Variants in IGFN1 observed in about 807,000 individuals in gnomAD.
IGFN1 encodes the protein immunoglobulin-like and fibronectin type III domain-containing protein 1.
A neutral mutation model predicts 289.5 loss-of-function variants in IGFN1; 253 were observed. The observed-to-expected ratio is 0.87, with a 90% confidence interval of 0.79 to 0.97. The LOEUF (loss-of-function observed/expected upper bound fraction) is 0.97. Ranked by LOEUF, IGFN1 falls within the 50% of genes least tolerant of loss-of-function variation. The pLI is 0.00. For missense variants in IGFN1, 4,470 were observed against 4,686.1 expected, an observed-to-expected ratio of 0.95 and a Z score of 1.35; for synonymous variants, 1,706 against 1,788.5, an observed-to-expected ratio of 0.95 and a Z score of 1.16.
At position 201,205,954 on chromosome 1, in the gene IGFN1, G is replaced by T. The variant is rs893312192; in HGVS notation, c.1190-129G>T. On this transcript the variant is annotated intron_variant, in intron 11 of 23. Coordinates refer to ENST00000335211, the MANE Select transcript of IGFN1 (RefSeq NM_001164586.2). ...GGTGGTCACCTTGCTTCTCTCCTGG[G>T]GAAGTCCAGGTCAGGCAAGCAGCTG... 273 of 686,142 alleles carry T rather than the reference G, an allele frequency of 4.0e-4. 2 individuals are homozygous for T. The highest frequency in any genetic ancestry group is 4.0e-4 in the Middle Eastern group (1 of 2,484). The allele number at this position is 686,142 out of a possible 1,614,324, so 42.5% of individuals were successfully genotyped here.
chr1:201,214,141 C>G, intron 12 of IGFN1, 36 bp from the exon 13 acceptor site: 1 of 1,564,854 alleles, frequency 6.4e-7, no homozygotes, highest in Non-Finnish European at 8.7e-7. Context: ...TGGCCTGGGG[C>G]GCTCGGCCCT....
intron 7 of IGFN1, 131 bp from the exon 8 acceptor site, chr1:201,200,106 G>A (rs890362333): frequency 1.4e-6 from 1 of 721,020 alleles, no homozygotes; most frequent in Admixed American, 2.8e-5. Context: ...CAGTCCCAGA[G>A]ATTCCAGGCT....
chr1:201,213,778 G>C (rs1429671082), intron 12 of IGFN1, among the ~76,000 whole-genome samples, 157 bp downstream of exon 12: 1 of 152,122 alleles, frequency 6.6e-6, no homozygotes, highest in Non-Finnish European at 1.5e-5. Context: ...GCAAATTTAG[G>C]AAGCAACCTC....
Position 201,215,018 on chromosome 1 carries a change from C to G in IGFN1, c.8859C>G (p.Thr2953=). The G allele has an allele frequency of 6.2e-6, 10 of 1,613,658 alleles. No individual in the cohort carries two copies. Among genetic ancestry groups the G allele is most frequent in the Non-Finnish European group, 8.5e-6 (10 of 1,179,770 alleles). The change falls in exon 14 of 24, where the codon ACC becomes ACG. Residue 2953 remains threonine, a synonymous_variant. Coordinates refer to ENST00000335211, the MANE Select transcript of IGFN1 (RefSeq NM_001164586.2). ...TGCTGTGGCCCTGTCTCCAGCTCACCACCCAGGATGGAGTCATCTTTAAGC... is the reference window on the plus strand; with the variant it reads ...TGCTGTGGCCCTGTCTCCAGCTCACGACCCAGGATGGAGTCATCTTTAAGC... The part of the protein sequence containing the change: ...GTWFKDGVKL[T]TQDGVIFKQD...
chr1:201,208,563 C>T lies in IGFN1; in HGVS notation c.3670C>T (p.Gln1224Ter). 2 of 1,468,722 alleles carry T rather than the reference C, an allele frequency of 1.4e-6. No homozygotes were observed. The highest frequency in any genetic ancestry group is 1.4e-5 in the South Asian group (1 of 70,890). 91.0% of individuals were successfully genotyped at this position (1,468,722 alleles called of 1,614,324 possible). The change falls in exon 12 of 24, where the codon CAG (glutamine) becomes TAG (stop). Residue 1224 changes from glutamine (Q) to a stop codon, truncating the protein, a stop_gained. Transcript: ENST00000335211. LOFTEE classifies it high-confidence loss of function. ...YEDGSELPGP[Q>*]GTGVRTAYGE... is the part of the protein sequence containing the mutation. ...GGATGGATCAGAACTTCCAGGGCCT[C>T]AGGGAACTGGGGTCAGAACAGCCTA...
chr1:201,224,273 C>G (rs529457792), intron 20 of IGFN1, among the ~76,000 whole-genome samples: 1 of 152,324 alleles, frequency 6.6e-6, no homozygotes, highest in South Asian at 2.1e-4. Flanking sequence ...ACTCCCCTCC[C>G]CACACATCCC....
Position 201,206,530 on chromosome 1 carries a change from A to G in IGFN1, c.1637A>G (p.Asp546Gly), listed in dbSNP as rs199581193. The G allele has an allele frequency of 9.9e-4, 1,532 of 1,551,092 alleles. 20 individuals are homozygous for G. The highest frequency in any genetic ancestry group is 3.9e-4 in the Admixed American group (20 of 50,986). The change falls in exon 12 of 24, where the codon GAC becomes GGC. Residue 546 changes from aspartate to glycine, a missense_variant. Coordinates refer to ENST00000335211, the MANE Select transcript of IGFN1 (RefSeq NM_001164586.2). ...PEKQQQDRGRDSNSDECWRKA... is the reference protein window; with the variant it reads ...PEKQQQDRGRGSNSDECWRKA... ...AAACAACAGCAAGATCGTGGCAGAG[A>G]CAGCAACAGTGATGAATGCTGGAGG...
Position 201,227,070 on chromosome 1 carries a change from G to T in IGFN1, c.10975G>T (p.Ala3659Ser). The T allele has an allele frequency of 6.2e-7, 1 of 1,613,640 alleles. No individual in the cohort carries two copies. Among genetic ancestry groups the T allele is most frequent in the East Asian group, 2.2e-5 (1 of 44,884 alleles). Residue 3659 changes from alanine (A) to serine (S), a missense_variant, in exon 23 of 24, where the codon GCG (alanine) becomes TCG (serine). By Grantham distance (99) the Ala-to-Ser change is moderately conservative (BLOSUM62 1). Transcript: ENST00000335211. ...KNDRSLEGNP[A>S]VYSTDLLGVC... is the part of the protein sequence containing the mutation. ...TGACCGCAGCCTGGAAGGAAACCCC[G>T]CGGTGTACAGCACTGACCTGCTGGG... is the stretch of plus-strand genomic sequence containing the variant.
Position 201,217,468 on chromosome 1 carries a change from T to C in IGFN1, c.9769+8T>C. 1 of 1,613,784 alleles carries C rather than the reference T, an allele frequency of 6.2e-7. No individual in the cohort carries two copies. Among genetic ancestry groups the C allele is most frequent in the Non-Finnish European group, 8.5e-7 (1 of 1,179,768 alleles). Reference sequence around the variant, plus strand: ...ACGACCAGCCGGTGCCTGGTGAGCATTGTCCTGGCTTCCAGAGCTTCCTTA... The same window carrying C: ...ACGACCAGCCGGTGCCTGGTGAGCACTGTCCTGGCTTCCAGAGCTTCCTTA... On this transcript the variant is annotated splice_region_variant and intron_variant, in intron 17 of 23. Coordinates refer to ENST00000335211, the MANE Select transcript of IGFN1 (RefSeq NM_001164586.2).
intron 3 of IGFN1, among the ~76,000 whole-genome samples, chr1:201,195,202 A>C (rs1666848074): frequency 1.3e-5 from 2 of 151,000 alleles, no homozygotes; most frequent in South Asian, 4.2e-4. Flanking sequence ...CCCAGGCTGG[A>C]GTGCAGTGGC....
At position 201,211,542 on chromosome 1, in the gene IGFN1, G is replaced by A. The variant is rs1368267172; in HGVS notation, c.6649G>A (p.Asp2217Asn). ...AGTGAATAAGGCAGGTTATAGGAAG[G>A]ATTTGGGGGCTCCTAAGGGAATGGG... ...GSVNKAGYRKDLGAPKGMGSG... is the reference protein window; with the variant it reads ...GSVNKAGYRKNLGAPKGMGSG... The change falls in exon 12 of 24, where the codon GAT (aspartate) becomes AAT (asparagine). Residue 2217 changes from aspartate to asparagine, a missense_variant. This residue lies in a region of IGFN1 where 2,218 missense variants were observed against 2,114.1 expected (regional missense o/e 1.05). Transcript: ENST00000335211. 6.6e-7 allele frequency: 1 copy of A among 1,522,448 alleles called. No homozygotes were observed. The highest frequency in any genetic ancestry group is 2.5e-5 in the East Asian group (1 of 39,696). 94.3% of individuals were successfully genotyped at this position (1,522,448 alleles called of 1,614,324 possible). A position where few individuals can be genotyped will look rare whatever the true frequency, so the allele number is the denominator to read the frequency against.
At position 201,212,624 on chromosome 1, in the gene IGFN1, T is replaced by G. The variant is rs1571470535; in HGVS notation, c.7731T>G (p.Gly2577=). 1 of 1,539,852 alleles carries G rather than the reference T, an allele frequency of 6.5e-7. No individual in the cohort carries two copies. ...AGGGGGGGTTGGCATCTCAGGGAGG[T>G]GGGGACTCACTTTTGGGAGGCAGAA... The part of the protein sequence containing the change: ...AGQGGLASQG[G]GDSLLGGRRV... The change falls in exon 12 of 24, where the codon GGT becomes GGG. Residue 2577 remains glycine (G), a synonymous_variant. Transcript: ENST00000335211.
intron 2 of IGFN1, 44 bp from the exon 3 acceptor site, chr1:201,194,110 A>G (rs2102314993): frequency 1.9e-6 from 3 of 1,545,974 alleles, no homozygotes; most frequent in African/African-American, 2.7e-5. Flanking sequence ...ACCCAGGAGG[A>G]AGAAGGTGGA....
At position 201,194,181 on chromosome 1, in the gene IGFN1, G is replaced by A. The variant is rs1666783412; in HGVS notation, c.35G>A (p.Gly12Glu). 1.9e-6 allele frequency: 3 copies of A among 1,551,504 alleles called. No individual in the cohort carries two copies. Among genetic ancestry groups the A allele is most frequent in the South Asian group, 2.4e-5 (2 of 84,056 alleles). ...AGKLRKSHIPGVSIWQLVEEI... is the reference protein window; with the variant it reads ...AGKLRKSHIPEVSIWQLVEEI... ...AAGCTCCGGAAGTCCCACATCCCTG[G>A]AGTGAGCATCTGGCAGCTGGTGGAG... Residue 12 changes from glycine to glutamate, a missense_variant, in exon 3 of 24, where the codon GGA becomes GAA. Physicochemically the swap from Gly to Glu is moderately conservative, Grantham distance 98. Coordinates refer to ENST00000335211, the MANE Select transcript of IGFN1 (RefSeq NM_001164586.2).
Position 201,207,201 on chromosome 1 carries a change from G to A in IGFN1, c.2308G>A (p.Ala770Thr), listed in dbSNP as rs891643666. 2.2e-5 allele frequency: 34 copies of A among 1,536,798 alleles called. No homozygotes were observed. The highest frequency in any genetic ancestry group is 2.7e-5 in the Non-Finnish European group (31 of 1,146,872). ...GGGGGAGTCTGTAGTTACAGGAAGTGCCTACAAAACTGGCCCTGGAGGCCC... is the reference window on the plus strand; with the variant it reads ...GGGGGAGTCTGTAGTTACAGGAAGTACCTACAAAACTGGCCCTGGAGGCCC... ...CRGESVVTGSAYKTGPGGPGD... is the reference protein window; with the variant it reads ...CRGESVVTGSTYKTGPGGPGD... Residue 770 changes from alanine (A) to threonine (T), a missense_variant, in exon 12 of 24, where the codon GCC (alanine) becomes ACC (threonine). By Grantham distance (58) the Ala-to-Thr change is moderately conservative (BLOSUM62 0). This residue lies in a region of IGFN1 where 2,011 missense variants were observed against 1,953.4 expected (regional missense o/e 1.03). Coordinates refer to ENST00000335211, the MANE Select transcript of IGFN1 (RefSeq NM_001164586.2).
At position 201,201,838 on chromosome 1, in the gene IGFN1, G is replaced by T. The variant is rs1667176795; in HGVS notation, c.747+6G>T. Reference sequence around the variant, plus strand: ...GCAAGATTTACCTGTATAAGGTGAGGCTGGAGGGGCTATGGGTGGGGGGGA... The same window carrying T: ...GCAAGATTTACCTGTATAAGGTGAGTCTGGAGGGGCTATGGGTGGGGGGGA... On this transcript the variant is annotated splice_donor_region_variant and intron_variant, in intron 9 of 23. Transcript: ENST00000335211. The T allele has an allele frequency of 7.6e-7, 1 of 1,312,092 alleles. No individual in the cohort carries two copies. The highest frequency in any genetic ancestry group is 1.1e-6 in the Non-Finnish European group (1 of 928,798). 81.3% of individuals were successfully genotyped at this position (1,312,092 alleles called of 1,614,324 possible).
rs1213880293 is a variant in IGFN1 at position 201,221,592 on chromosome 1, C to T, written c.10047C>T (p.Leu3349=). 1 of 1,614,070 alleles carries T rather than the reference C, an allele frequency of 6.2e-7. No individual in the cohort carries two copies. Among genetic ancestry groups the T allele is most frequent in the East Asian group, 2.2e-5 (1 of 44,898 alleles). ...ELCSSDSLQW[L]PCHVGTVPVT... is the part of the protein sequence containing the mutation. ...GCAGCTCAGACAGTCTCCAGTGGCTCCCGTGCCATGTGGGCACCGTGCCAG... is the reference window on the plus strand; with the variant it reads ...GCAGCTCAGACAGTCTCCAGTGGCTTCCGTGCCATGTGGGCACCGTGCCAG... Residue 3349 remains leucine (L), a synonymous_variant, in exon 19 of 24, where the codon CTC becomes CTT. Transcript: ENST00000335211.
intron 10 of IGFN1, among the ~76,000 whole-genome samples, chr1:201,204,614 G>C (rs1198862568): frequency 6.6e-6 from 1 of 152,244 alleles, no homozygotes; most frequent in Admixed American, 6.5e-5. Flanking sequence ...TTTGGGAAAA[G>C]AAGTATGGGT....
intron 14 of IGFN1, 79 bp from the exon 15 acceptor site, chr1:201,215,460 C>A (rs1653163272): frequency 7.5e-7 from 1 of 1,329,506 alleles, no homozygotes; most frequent in Non-Finnish European, 1.0e-6. Flanking sequence ...CCCCAAACTT[C>A]CTTCTCTGGG....
Sources: allele counts gnomAD v4.1 joint callset (sites outside exome capture counted in the v4.1 genomes callset), GRCh38; gene constraint gnomAD v4.1.1; regional missense constraint gnomAD v4.1.1; transcripts MANE v1.5; gene names NCBI Gene and HGNC (gene_info 2026-07-23, HGNC 2026-07-21).